NUBP2: variants seen among roughly 807,000 people sequenced by gnomAD.
The protein encoded by NUBP2 is NUBP iron-sulfur cluster assembly factor 2, cytosolic.
A neutral mutation model predicts 24.9 loss-of-function variants in NUBP2; 23 were observed. The ratio of observed to expected loss-of-function variants is 0.92; its 90% CI spans 0.66 to 1.31. The LOEUF is 1.31. Among genes scored for constraint, NUBP2 ranks in the 50% most tolerant of loss-of-function variants. NUBP2 has a pLI of 0.00. For missense variants in NUBP2, 403 were observed against 386.5 expected, an observed-to-expected ratio of 1.04 and a Z score of -0.36; for synonymous variants, 186 against 170.9, an observed-to-expected ratio of 1.09 and a Z score of -0.69.
At position 1,788,640 on chromosome 16, in the gene NUBP2, G is replaced by A. The variant is rs369792650; in HGVS notation, c.742G>A (p.Gly248Arg). The change falls in exon 7 of 7, where the codon GGG becomes AGG. Residue 248 changes from glycine to arginine, a missense_variant. Gly to Arg is a moderately radical substitution (Grantham distance 125). Transcript: ENST00000262302. ...CCACGACTTCATCCAGGAGTTCCCT[G>A]GGAGCCCCGCCTTCGCTGCACTCAC... ...EGHDFIQEFP[G>R]SPAFAALTSI... is the part of the protein sequence containing the mutation. 32 of 1,611,314 alleles carry A rather than the reference G, an allele frequency of 2.0e-5. No individual in the cohort carries two copies. The highest frequency in any genetic ancestry group is 8.0e-5 in the African/African-American group (6 of 74,884).
At chr16:1,785,043 C>T (rs1896896774) in intron 1 of NUBP2, 2 of 967,350 alleles carry the variant, frequency 2.1e-6, no homozygotes, top group South Asian at 4.8e-5. Context: ...CAGAATGAGA[C>T]CCCCTCTCAA....
intron 1 of NUBP2, chr16:1,786,255 C>A: frequency 2.0e-6 from 1 of 492,782 alleles, no homozygotes. Context: ...TGCACCCTTC[C>A]ACACAGCGAG....
intron 1 of NUBP2, chr16:1,785,329 C>T (rs1896910712): frequency 1.0e-5 from 11 of 1,086,362 alleles, no homozygotes; most frequent in Non-Finnish European, 1.2e-5. Flanking sequence ...GTTGTTGTCC[C>T]GGTTCCTGAC....
rs866140743 is a variant in NUBP2 at position 1,786,596 on chromosome 16, G to A, written c.76G>A (p.Val26Ile). The part of the protein sequence containing the change: ...IILVLSGKGG[V>I]GKSTISTELA... ...CCTGGTCCTCTCAGGAAAGGGGGGC[G>A]TTGGGAAAAGCACCATCTCCACGGA... The change falls in exon 2 of 7, where the codon GTT (valine) becomes ATT (isoleucine). Residue 26 changes from valine to isoleucine, a missense_variant. Transcript: ENST00000262302. 8 of 1,612,346 alleles carry A rather than the reference G, an allele frequency of 5.0e-6. No individual in the cohort carries two copies. The highest frequency in any genetic ancestry group is 2.2e-5 in the East Asian group (1 of 44,874).
intron 3 of NUBP2, 48 bp from the exon 4 acceptor site, chr16:1,787,629 G>A: frequency 6.3e-7 from 1 of 1,597,950 alleles, no homozygotes; most frequent in Non-Finnish European, 8.5e-7. Context: ...AGGGCCACGT[G>A]TGCAGACCTG....
In NUBP2 at chr16:1,788,649, G is replaced by A. The variant is rs199523700; in HGVS notation, c.751G>A (p.Ala251Thr). ...CATCCAGGAGTTCCCTGGGAGCCCC[G>A]CCTTCGCTGCACTCACCTCCATAGC... ...DFIQEFPGSP[A>T]FAALTSIAQK... The change falls in exon 7 of 7, where the codon GCC becomes ACC. Residue 251 changes from alanine to threonine, a missense_variant. Ala to Thr is a moderately conservative substitution (Grantham distance 58). Coordinates refer to ENST00000262302, the MANE Select transcript of NUBP2 (RefSeq NM_012225.4). The A allele has an allele frequency of 7.4e-6, 12 of 1,611,944 alleles. No individual in the cohort carries two copies. In the East Asian group the frequency reaches 8.9e-5, roughly 12 times the overall value.
chr16:1,783,328 C>T, intron 1 of NUBP2: 1 of 1,114,320 alleles, frequency 9.0e-7, no homozygotes, highest in Non-Finnish European at 1.1e-6. Flanking sequence ...GGCGCGGTGG[C>T]GCCTGTGGGC....
intron 1 of NUBP2, chr16:1,785,193 C>T: frequency 4.0e-6 from 4 of 1,000,924 alleles, no homozygotes; most frequent in Non-Finnish European, 4.8e-6. Context: ...TGCTTCGCCT[C>T]CTTCCTGCAC....
In NUBP2 at chr16:1,788,793, C is replaced by A. The variant is rs771526014; in HGVS notation, c.*79C>A. On this transcript the variant is annotated 3_prime_UTR_variant, in exon 7 of 7. Transcript: ENST00000262302. ...TCTCAGAGAAACAGAGGCCTGGGCT[C>A]GGTTCCCGGGCCCTGCAGGGGCAGG... 2.7e-6 allele frequency: 4 copies of A among 1,491,270 alleles called. No individual in the cohort carries two copies. The highest frequency in any genetic ancestry group is 3.6e-6 in the Non-Finnish European group (4 of 1,119,692). 92.4% of individuals were successfully genotyped at this position (1,491,270 alleles called of 1,614,324 possible).
At chr16:1,786,236 A>T in intron 1 of NUBP2, 1 of 433,746 alleles carries the variant, frequency 2.3e-6, no homozygotes, top group Non-Finnish European at 4.2e-6. Flanking sequence ...ACGCGCACGA[A>T]GGAACGCATG....
chr16:1,786,039 T>G, intron 1 of NUBP2: 1 of 1,160,984 alleles, frequency 8.6e-7, no homozygotes, highest in Non-Finnish European at 1.1e-6. Flanking sequence ...TACCGCACAT[T>G]GCAGGGACCG....
intron 3 of NUBP2, chr16:1,787,466 A>G (rs925030066): frequency 1.1e-5 from 7 of 645,146 alleles, no homozygotes; most frequent in African/African-American, 5.5e-5. Context: ...GGGGCCAGAC[A>G]CTGCAGAAAG....
chr16:1,783,515 C>G, intron 1 of NUBP2: 15 of 986,782 alleles, frequency 1.5e-5, no homozygotes, highest in Non-Finnish European at 1.8e-5. Flanking sequence ...GTGTAAGTTG[C>G]GCGGGACAGA....
chr16:1,785,791 G>A (rs950624689), intron 1 of NUBP2: 2 of 1,289,018 alleles, frequency 1.6e-6, no homozygotes, highest in African/African-American at 3.0e-5. Flanking sequence ...ATCAGAAGGG[G>A]GCAGGTTTTA....
intron 1 of NUBP2, chr16:1,785,454 C>T: frequency 8.4e-7 from 1 of 1,187,454 alleles, no homozygotes; most frequent in Non-Finnish European, 1.1e-6. Context: ...GGTGCCAGCA[C>T]TGATGGCAGC....
intron 1 of NUBP2, chr16:1,785,042 A>C: frequency 4.2e-6 from 4 of 946,438 alleles, no homozygotes; most frequent in Non-Finnish European, 5.0e-6. Flanking sequence ...ACAGAATGAG[A>C]CCCCCTCTCA....
At position 1,783,957 on chromosome 16, in the gene NUBP2, T is replaced by A. The variant is rs546940256; in HGVS notation, c.16+921T>A. Reference sequence around the variant, plus strand: ...ATCCGCCCGTCTCAGCCTCCCAAAGTGCTGGGATTACAGGCGTGAGCCACG... The same window carrying A: ...ATCCGCCCGTCTCAGCCTCCCAAAGAGCTGGGATTACAGGCGTGAGCCACG... On this transcript the variant is annotated intron_variant, in intron 1 of 6. Coordinates refer to ENST00000262302, the MANE Select transcript of NUBP2 (RefSeq NM_012225.4). 2.2e-5 allele frequency: 20 copies of A among 896,304 alleles called. No individual in the cohort carries two copies. The Admixed American group carries it at 2.5e-4, about 11-fold the overall frequency. The allele number at this position is 896,304 out of a possible 1,614,324, so 55.5% of individuals were successfully genotyped here.
At chr16:1,788,277 C>T (rs1897085657) in intron 6 of NUBP2, 70 bp downstream of exon 6, 1 of 1,371,452 alleles carries the variant, frequency 7.3e-7, no homozygotes, top group Admixed American at 3.0e-5. Context: ...GGTTTGACCT[C>T]CATGCCCCCA....
chr16:1,787,313 T>G (rs1596875480), intron 3 of NUBP2: 1 of 396,192 alleles, frequency 2.5e-6, no homozygotes, highest in East Asian at 4.2e-5. Context: ...CTGGTGGGAG[T>G]GAGGCGCAGG....
Sources: allele counts gnomAD v4.1 joint callset, GRCh38; gene constraint gnomAD v4.1.1; transcripts MANE v1.5; gene names NCBI Gene and HGNC (gene_info 2026-07-23, HGNC 2026-07-21).